ZRSR2: variants seen among roughly 807,000 people sequenced by gnomAD.
ZRSR2 encodes the protein zinc finger CCCH-type, RNA binding motif and serine/arginine rich 2.
ZRSR2 carries 3 observed loss-of-function variants against 39.4 expected under a neutral mutation model. The observed-to-expected ratio is 0.08, with a 90% CI of 0.03 to 0.20. ZRSR2 has a LOEUF of 0.20. Among genes scored for constraint, ZRSR2 ranks in the 10% least tolerant of loss-of-function variants. ZRSR2 has a pLI of 1.00. For missense variants in ZRSR2, 256 were observed against 391.5 expected (o/e 0.65, Z 2.92); for synonymous variants, 137 against 136.0 (o/e 1.01, Z -0.05).
rs756885281 is a variant in ZRSR2 at position 15,803,812 on chromosome X, C to T, written c.312+16C>T. 23 of 1,175,304 alleles carry T rather than the reference C, an allele frequency of 2.0e-5. No individual in the cohort carries two copies. The highest frequency in any genetic ancestry group is 2.5e-5 in the Non-Finnish European group (22 of 877,429). ...AGAACAAGAGGTATGGTAGGAATCA[C>T]GTAACTAGTGAACAAACTGATTACT... On this transcript the variant is annotated intron_variant, in intron 4 of 10. Transcript: ENST00000307771.
At chrX:15,810,457 A>G (rs1932861972) in intron 7 of ZRSR2, among the ~76,000 whole-genome samples, 1 of 112,027 alleles carries the variant, frequency 8.9e-6, no homozygotes, top group Admixed American at 9.5e-5. Context: ...GGATATGAAT[A>G]GTAAAATTCA....
At chrX:15,793,112 A>T (rs761181184) in intron 2 of ZRSR2, among the ~76,000 whole-genome samples, 42 of 112,005 alleles carry the variant, frequency 3.7e-4, no homozygotes, top group Non-Finnish European at 1.3e-4. Context: ...GGTTGGAGTT[A>T]TTGAGGCCCT....
In ZRSR2 at chrX:15,822,840, T is replaced by C; in HGVS notation, c.1047T>C (p.Ser349=). 1 of 1,212,182 alleles carries C rather than the reference T, an allele frequency of 8.2e-7. No homozygotes were observed. The highest frequency in any genetic ancestry group is 1.1e-6 in the Non-Finnish European group (1 of 895,631). The change falls in exon 11 of 11, where the codon TCT becomes TCC. Residue 349 remains serine (S), a synonymous_variant. Transcript: ENST00000307771. The part of the protein sequence containing the change: ...FWEANRDIYL[S]PDRTGSSFGK... ...AAGCTAATAGAGACATCTACTTGTC[T>C]CCAGATCGGACTGGCTCCTCCTTTG...
intron 10 of ZRSR2, among the ~76,000 whole-genome samples, chrX:15,821,067 C>T (rs1048248952): frequency 9.8e-5 from 11 of 112,277 alleles, no homozygotes; most frequent in Admixed American, 8.5e-4. Context: ...CTGCCTAACG[C>T]AAAGTCAGAA....
chrX:15,798,159 G>A (rs1329963426), intron 2 of ZRSR2, among the ~76,000 whole-genome samples: 1 of 112,133 alleles, frequency 8.9e-6, no homozygotes. Flanking sequence ...TCTAAGACTG[G>A]ATGAGCCTTC....
intron 2 of ZRSR2, among the ~76,000 whole-genome samples, chrX:15,796,715 A>C (rs1220713857): frequency 9.1e-6 from 1 of 109,631 alleles, no homozygotes; most frequent in Non-Finnish European, 1.9e-5. Context: ...ATATTCAAGG[A>C]AAAATGTTTG....
At chrX:15,809,465 C>A in intron 7 of ZRSR2, 147 bp downstream of exon 7, 1 of 477,154 alleles carries the variant, frequency 2.1e-6, no homozygotes, top group Non-Finnish European at 3.7e-6. Flanking sequence ...CTCGTTTTCC[C>A]AGCTGATCAT....
At chrX:15,790,908 G>A in intron 1 of ZRSR2, 26 bp from the exon 2 acceptor site, 1 of 1,192,405 alleles carries the variant, frequency 8.4e-7, no homozygotes, top group Non-Finnish European at 1.1e-6. Context: ...GCCGCTGATC[G>A]TCGTGTATAT....
intron 5 of ZRSR2, 119 bp from the exon 6 acceptor site, chrX:15,808,114 T>C: frequency 1.6e-6 from 1 of 622,487 alleles, no homozygotes; most frequent in South Asian, 2.4e-5. Flanking sequence ...AAAAGAAAAC[T>C]AGAACTTGTG....
intron 7 of ZRSR2, among the ~76,000 whole-genome samples, chrX:15,812,785 C>T: frequency 9.0e-6 from 1 of 111,284 alleles, no homozygotes; most frequent in Middle Eastern, 4.7e-3. Flanking sequence ...TTATTTTCTC[C>T]AGGTTTTTAT....
chrX:15,808,422 A>G (rs1330738568), intron 6 of ZRSR2, 151 bp downstream of exon 6: 7 of 534,228 alleles, frequency 1.3e-5, no homozygotes, highest in African/African-American at 7.1e-5. Flanking sequence ...ATACAACAAC[A>G]ACAAACTTTA....
chrX:15,804,089 T>A, intron 4 of ZRSR2, 22 bp from the exon 5 acceptor site: 13 of 1,158,985 alleles, frequency 1.1e-5, no homozygotes, highest in Non-Finnish European at 1.5e-5. Context: ...GAAACAAAGT[T>A]ACTTTTTCTT....
At position 15,803,582 on chromosome X, in the gene ZRSR2, G is replaced by A. The variant is rs929089325; in HGVS notation, c.204-106G>A. 37 of 991,724 alleles carry A rather than the reference G, an allele frequency of 3.7e-5. No individual in the cohort carries two copies. The African/African-American group carries it at 4.3e-4, about 12-fold the overall frequency. The allele number at this position is 991,724 out of a possible 1,213,427, so 81.7% of individuals were successfully genotyped here. A position where few individuals can be genotyped will look rare whatever the true frequency, so the allele number is the denominator to read the frequency against. On this transcript the variant is annotated intron_variant, in intron 3 of 10. Coordinates refer to ENST00000307771, the MANE Select transcript of ZRSR2 (RefSeq NM_005089.4). ...ACTGCTTTAATAGAAAATAGCTTTC[G>A]TGATATTTGAATCAGTCCCAAAATG...
rs747161421 is a variant in ZRSR2 at position 15,791,063 on chromosome X, CT to C, written c.121+51del. 4 of 1,092,669 alleles carry C rather than the reference CT, an allele frequency of 3.7e-6. No homozygotes were observed. In the East Asian group the frequency reaches 1.2e-4, roughly 33 times the overall value. The allele number at this position is 1,092,669 out of a possible 1,213,427, so 90.0% of individuals were successfully genotyped here. On this transcript the variant is annotated intron_variant, in intron 2 of 10. Transcript: ENST00000307771. The stretch of plus-strand genomic sequence containing the variant: ...CTGTGTTGTGAAATTGCTCTGTCCA[CT>C]CCAGCCCTAACTTGAAGCCCCAGTG...
At chrX:15,817,625 G>A (rs1204719889) in intron 8 of ZRSR2, among the ~76,000 whole-genome samples, 1 of 111,474 alleles carries the variant, frequency 9.0e-6, no homozygotes, top group African/African-American at 3.3e-5. Flanking sequence ...AGTAGATGAG[G>A]ATGTGTACAT....
rs1933140874 is a variant in ZRSR2, at chrX:15,822,750, A to G, written c.957A>G (p.Gln319=). Residue 319 remains glutamine (Q), a synonymous_variant, in exon 11 of 11, where the codon CAA becomes CAG. Coordinates refer to ENST00000307771, the MANE Select transcript of ZRSR2 (RefSeq NM_005089.4). Reference sequence around the variant, plus strand: ...TTGCAGGTTTATTTGAAATACAACAATGTCCAAGAGGAAAGCACTGCAACT... The same window carrying G: ...TTGCAGGTTTATTTGAAATACAACAGTGTCCAAGAGGAAAGCACTGCAACT... ...MAICGLFEIQ[Q]CPRGKHCNFL... 3.3e-6 allele frequency: 4 copies of G among 1,211,412 alleles called. No individual in the cohort carries two copies. The highest frequency in any genetic ancestry group is 1.7e-5 in the African/African-American group (1 of 57,592).
intron 2 of ZRSR2, among the ~76,000 whole-genome samples, chrX:15,797,399 T>TG (rs1222042734): frequency 1.8e-5 from 2 of 108,125 alleles, no homozygotes; most frequent in African/African-American, 6.8e-5. Context: ...TTAGTAGAGA[T>TG]GGGGTTCACC....
At chrX:15,801,074 C>T (rs1177833726) in intron 3 of ZRSR2, among the ~76,000 whole-genome samples, 1 of 112,561 alleles carries the variant, frequency 8.9e-6, no homozygotes, top group Non-Finnish European at 1.9e-5. Context: ...TTCACTCATA[C>T]TAGGCATTAT....
At chrX:15,815,115 G>T (rs1226480634) in intron 7 of ZRSR2, among the ~76,000 whole-genome samples, 1 of 111,797 alleles carries the variant, frequency 8.9e-6, no homozygotes. Flanking sequence ...CAGCTGAATG[G>T]TATATGAACT....
Sources: gnomAD v4.1 joint callset for allele counts (sites outside exome capture counted in the v4.1 genomes callset) on GRCh38, gnomAD v4.1.1 for gene constraint, MANE v1.5 for transcripts, NCBI Gene and HGNC (gene_info 2026-07-23, HGNC 2026-07-21) for gene names.